URB1: variants seen among roughly 807,000 people sequenced by gnomAD.
URB1 encodes nucleolar pre-ribosomal-associated protein 1.
URB1 carries 197 observed loss-of-function variants against 242.3 expected under a neutral mutation model. That is an observed-to-expected ratio of 0.81 (90% CI 0.72 to 0.91). The LOEUF is 0.91. Among genes scored for constraint, URB1 ranks in the 40% least tolerant of loss-of-function variants. URB1 has a pLI of 0.00. For missense variants in URB1, 2,721 were observed against 2,860.5 expected, an observed-to-expected ratio of 0.95 and a Z score of 1.11; for synonymous variants, 1,153 against 1,201.8, an observed-to-expected ratio of 0.96 and a Z score of 0.84.
intron 1 of URB1, among the ~76,000 whole-genome samples, chr21:32,386,679 C>T (rs539099008): frequency 6.6e-6 from 1 of 152,240 alleles, no homozygotes; most frequent in East Asian, 1.9e-4. Context: ...ATGGGTATAA[C>T]AAGAAAAACC....
In URB1 at chr21:32,316,500, C is replaced by T. The variant is rs1307625659; in HGVS notation, c.6600G>A (p.Leu2200=). 1 of 1,542,150 alleles carries T rather than the reference C, an allele frequency of 6.5e-7. No homozygotes were observed. Among genetic ancestry groups the T allele is most frequent in the Non-Finnish European group, 8.7e-7 (1 of 1,142,894 alleles). Residue 2200 remains leucine (L), a synonymous_variant, in exon 38 of 39, where the codon CTG becomes CTA. Coordinates refer to ENST00000382751, the MANE Select transcript of URB1 (RefSeq NM_014825.3). ...PFHPAMEALS[L]SSLSEKDEAT... ...CTTCATCCTTCTCACTCAGAGAAGA[C>T]AGGGAGAGGGCTTCCATGGCCGGGT... is the stretch of plus-strand genomic sequence containing the variant.
At chr21:32,333,504 G>A (rs1289592256) in intron 29 of URB1, 85 bp from the exon 30 acceptor site, 8 of 1,080,162 alleles carry the variant, frequency 7.4e-6, no homozygotes, top group African/African-American at 4.8e-5. Context: ...GAAACACCTG[G>A]GATCAGAAAT....
intron 16 of URB1, 147 bp from the exon 17 acceptor site, chr21:32,355,144 CT>C: frequency 8.7e-7 from 1 of 1,143,382 alleles, no homozygotes; most frequent in Non-Finnish European, 1.2e-6. Context: ...TGGGCCTAAA[CT>C]TTTTATTGTG....
Position 32,347,251 on chromosome 21 carries a change from T to C in URB1, c.3573A>G (p.Leu1191=). Residue 1191 remains leucine, a synonymous_variant, in exon 22 of 39, where the codon CTA becomes CTG. Coordinates refer to ENST00000382751, the MANE Select transcript of URB1 (RefSeq NM_014825.3). ...VRGLGALLPT[L]AVDELDTVLL... is the part of the protein sequence containing the mutation. ...GCACTGTGTCCAGCTCGTCCACTGCTAGCGTGGGCAGCAGAGCCCCCAGGC... is the reference window on the plus strand; with the variant it reads ...GCACTGTGTCCAGCTCGTCCACTGCCAGCGTGGGCAGCAGAGCCCCCAGGC... 6.4e-7 allele frequency: 1 copy of C among 1,550,886 alleles called. No homozygotes were observed. The highest frequency in any genetic ancestry group is 8.7e-7 in the Non-Finnish European group (1 of 1,146,974).
At chr21:32,315,978 T>A (rs930965099) in intron 38 of URB1, among the ~76,000 whole-genome samples, 1 of 152,250 alleles carries the variant, frequency 6.6e-6, no homozygotes, top group Admixed American at 6.5e-5. Context: ...TCATTCACAC[T>A]GCTAGGCTCC....
chr21:32,327,403 T>C (rs2032842003), intron 30 of URB1, among the ~76,000 whole-genome samples: 1 of 152,184 alleles, frequency 6.6e-6, no homozygotes, highest in Admixed American at 6.5e-5. Flanking sequence ...GTTAAGACTT[T>C]TTTCAGACAC....
chr21:32,384,434 T>C lies in URB1; in HGVS notation c.313A>G (p.Ile105Val), dbSNP rs771374770. 26 of 1,551,610 alleles carry C rather than the reference T, an allele frequency of 1.7e-5. No homozygotes were observed. The highest frequency in any genetic ancestry group is 3.9e-5 in the Admixed American group (2 of 50,986). Reference protein sequence around the residue: ...TMLIFQVFEAILLRTASDLSH... With the variant: ...TMLIFQVFEAVLLRTASDLSH... ...AGATCACTTGCTGTCCGCAATAATA[T>C]GGCCTCGAAAACTTGAAATATTAAC... Residue 105 changes from isoleucine (I) to valine (V), a missense_variant, in exon 3 of 39, where the codon ATA becomes GTA. By Grantham distance (29) the Ile-to-Val change is conservative. Transcript: ENST00000382751.
At chr21:32,386,220 T>C (rs2033582684) in intron 1 of URB1, among the ~76,000 whole-genome samples, 1 of 151,914 alleles carries the variant, frequency 6.6e-6, no homozygotes, top group African/African-American at 2.4e-5. Flanking sequence ...TATAGTCTTT[T>C]AGGAGATAAC....
At chr21:32,384,057 G>C (rs2033555105) in intron 3 of URB1, among the ~76,000 whole-genome samples, 1 of 152,178 alleles carries the variant, frequency 6.6e-6, no homozygotes, top group African/African-American at 2.4e-5. Context: ...TTCCAGTAGA[G>C]GGAGTCACTC....
chr21:32,336,540 G>C (rs1227043287), intron 28 of URB1, among the ~76,000 whole-genome samples: 1 of 152,188 alleles, frequency 6.6e-6, no homozygotes, highest in East Asian at 1.9e-4. Context: ...AGGTGAGGCA[G>C]GGCCCACAGG....
At chr21:32,352,111 G>A (rs972618205) in intron 19 of URB1, among the ~76,000 whole-genome samples, 5 of 152,200 alleles carry the variant, frequency 3.3e-5, no homozygotes, top group Admixed American at 2.6e-4. Context: ...GGTCTAAACT[G>A]ACTGCTTTTT....
At chr21:32,334,359 A>G in intron 28 of URB1, 25 bp from the exon 29 acceptor site, 1 of 1,528,702 alleles carries the variant, frequency 6.5e-7, no homozygotes, top group Non-Finnish European at 8.8e-7. Context: ...GGGAAAAGAG[A>G]CTGGTCACAG....
At chr21:32,333,075 T>C in intron 30 of URB1, 1 of 490,244 alleles carries the variant, frequency 2.0e-6, no homozygotes, top group Non-Finnish European at 3.6e-6. Flanking sequence ...CAAAGACAAT[T>C]GGACATTTCC....
At chr21:32,333,488 T>G in intron 29 of URB1, 69 bp from the exon 30 acceptor site, 16 of 1,205,490 alleles carry the variant, frequency 1.3e-5, no homozygotes, top group Non-Finnish European at 1.6e-5. Flanking sequence ...TGAGTATCTC[T>G]TATCTGAAAC....
rs890594138 is a variant in URB1, at chr21:32,349,241, A to C, written c.3012+63T>G. 100 of 1,444,566 alleles carry C rather than the reference A, an allele frequency of 6.9e-5. No homozygotes were observed. In the East Asian group the frequency reaches 2.6e-3, roughly 37 times the overall value. The allele number at this position is 1,444,566 out of a possible 1,614,324, so 89.5% of individuals were successfully genotyped here. A position where few individuals can be genotyped will look rare whatever the true frequency, so the allele number is the denominator to read the frequency against. ...GGACCTATGTTTGTTTTTAATCAGAAGTGAAGAGAAAGCCACTGCCCATGA... is the reference window on the plus strand; with the variant it reads ...GGACCTATGTTTGTTTTTAATCAGACGTGAAGAGAAAGCCACTGCCCATGA... On this transcript the variant is annotated intron_variant, in intron 21 of 38. Coordinates refer to ENST00000382751, the MANE Select transcript of URB1 (RefSeq NM_014825.3).
intron 21 of URB1, among the ~76,000 whole-genome samples, chr21:32,348,369 G>A (rs1033821515): frequency 6.6e-5 from 10 of 152,134 alleles, no homozygotes; most frequent in Non-Finnish European, 1.0e-4. Flanking sequence ...GTGTGTCTAC[G>A]ATCCTGAATT....
At chr21:32,376,946 G>A (rs868605554) in intron 5 of URB1, among the ~76,000 whole-genome samples, 16 of 152,136 alleles carry the variant, frequency 1.1e-4, no homozygotes, top group Admixed American at 6.6e-4. Flanking sequence ...ACAGGTGTGA[G>A]CCACGACGGC....
At chr21:32,376,016 C>T (rs1326513462) in intron 5 of URB1, among the ~76,000 whole-genome samples, 2 of 152,148 alleles carry the variant, frequency 1.3e-5, no homozygotes, top group Admixed American at 6.5e-5. Context: ...AGAGCACCTA[C>T]AAGCGAACCA....
chr21:32,355,226 T>G (rs758133922), intron 16 of URB1, among the ~76,000 whole-genome samples: 2 of 152,178 alleles, frequency 1.3e-5, no homozygotes, highest in Non-Finnish European at 2.9e-5. Flanking sequence ...TATTCCCCTA[T>G]GCAAAAACAA....
Sources: gnomAD v4.1 joint callset for allele counts (sites outside exome capture counted in the v4.1 genomes callset) on GRCh38, gnomAD v4.1.1 for gene constraint, MANE v1.5 for transcripts, NCBI Gene and HGNC (gene_info 2026-07-23, HGNC 2026-07-21) for gene names.